The following GCLC variants were observed in gnomAD, a reference collection of about 807,000 sequenced individuals.
GCLC encodes glutamate-cysteine ligase catalytic subunit.
Under a neutral mutation model 81.5 loss-of-function variants are expected in GCLC, and 30 were observed. The ratio of observed to expected loss-of-function variants is 0.37; its 90% confidence interval spans 0.28 to 0.50. The LOEUF (loss-of-function observed/expected upper bound fraction) is 0.50, where lower values mean the gene tolerates loss of function less well. Among genes scored for constraint, GCLC ranks in the 20% least tolerant of loss-of-function variants. The probability of loss-of-function intolerance (pLI) is 0.96; values close to 1 mark genes in which losing one functional copy is unlikely to be tolerated. For synonymous variants in GCLC, 262 were observed against 273.3 expected, an observed-to-expected ratio of 0.96 and a Z score of 0.41; for missense variants, 556 against 777.4, an observed-to-expected ratio of 0.72 and a Z score of 3.39.
At chr6:53,539,439 T>C (rs1763314861) in intron 1 of GCLC, among the ~76,000 whole-genome samples, 1 of 152,124 alleles carries the variant, frequency 6.6e-6, no homozygotes, top group Non-Finnish European at 1.5e-5. Flanking sequence ...TACACGCACC[T>C]CTGTAAGACA....
In GCLC at chr6:53,526,396, G is replaced by A. The variant is rs548087705; in HGVS notation, c.151-3869C>T. Among the ~76,000 whole-genome samples, 233 of 152,326 alleles carry A rather than the reference G, an allele frequency of 1.5e-3. 1 individual carries two copies. Among genetic ancestry groups the A allele is most frequent in the Non-Finnish European group, 1.6e-3 (107 of 68,026 alleles). On this transcript the variant is annotated intron_variant, in intron 1 of 15. Coordinates refer to ENST00000650454, the MANE Select transcript of GCLC (RefSeq NM_001498.4). ...GTAAATACAAGCTTTTAGGATTTAA[G>A]TCTTTAAATGGCATTTACCACTAGC...
At chr6:53,533,593 C>G (rs955804717) in intron 1 of GCLC, among the ~76,000 whole-genome samples, 1 of 152,098 alleles carries the variant, frequency 6.6e-6, no homozygotes, top group African/African-American at 2.4e-5. Context: ...TCTACCACTT[C>G]TGGTAGAATT....
intron 1 of GCLC, among the ~76,000 whole-genome samples, chr6:53,531,357 A>T (rs1194507200): frequency 6.6e-6 from 1 of 152,196 alleles, no homozygotes; most frequent in Middle Eastern, 3.2e-3. Flanking sequence ...ATGTTGTTTC[A>T]CAGAGCGCTT....
intron 1 of GCLC, among the ~76,000 whole-genome samples, chr6:53,526,900 G>C (rs760565289): frequency 2.6e-5 from 4 of 152,000 alleles, no homozygotes; most frequent in Non-Finnish European, 5.9e-5. Context: ...GCTTAATTAG[G>C]AAACAATACA....
At chr6:53,521,805 T>G (rs969070379) in intron 2 of GCLC, among the ~76,000 whole-genome samples, 3 of 152,086 alleles carry the variant, frequency 2.0e-5, no homozygotes, top group Non-Finnish European at 4.4e-5. Context: ...AACCCCCGTC[T>G]CTACTAAAAA....
At chr6:53,534,563 C>T (rs1432151615) in intron 1 of GCLC, among the ~76,000 whole-genome samples, 10 of 151,894 alleles carry the variant, frequency 6.6e-5, no homozygotes, top group African/African-American at 1.9e-4. Context: ...AAGAAAGGAT[C>T]CCTGAGAAAC....
chr6:53,530,584 A>G (rs1763155606), intron 1 of GCLC, among the ~76,000 whole-genome samples: 1 of 152,206 alleles, frequency 6.6e-6, no homozygotes, highest in South Asian at 2.1e-4. Context: ...CTCGTCCTGC[A>G]TCTGCCTTTT....
intron 3 of GCLC, among the ~76,000 whole-genome samples, chr6:53,520,342 C>T (rs1197843965): frequency 6.6e-6 from 1 of 152,226 alleles, no homozygotes; most frequent in Admixed American, 6.5e-5. Context: ...ACTGATGCCA[C>T]CATATGCTAG....
Position 53,538,049 on chromosome 6 carries a change from C to A in GCLC, c.150+6447G>T, listed in dbSNP as rs1171312911. ...TGACTCAAATAATTGTGTTTTTGTCCATTCTAAATTTATCACTCAAGACTG... is the reference window on the plus strand; with the variant it reads ...TGACTCAAATAATTGTGTTTTTGTCAATTCTAAATTTATCACTCAAGACTG... On this transcript the variant is annotated intron_variant, in intron 1 of 15. Transcript: ENST00000650454. Among the ~76,000 whole-genome samples the A allele has an allele frequency of 4.0e-5, 6 of 151,554 alleles. No individual in the cohort carries two copies. In the East Asian group the frequency reaches 1.2e-3, roughly 29 times the overall value.
intron 2 of GCLC, among the ~76,000 whole-genome samples, chr6:53,521,380 C>G (rs529499532): frequency 4.6e-5 from 7 of 152,162 alleles, no homozygotes; most frequent in Non-Finnish European, 1.0e-4. Flanking sequence ...GTCTTGAACT[C>G]CTGGCCTTAA....
rs1764610090 is a variant in GCLC, at chr6:53,506,150, C to T, written c.1198-255G>A. The T allele has an allele frequency of 4.6e-6, 2 of 430,214 alleles. No individual in the cohort carries two copies. The highest frequency in any genetic ancestry group is 3.4e-5 in the Admixed American group (1 of 29,246). 26.6% of individuals were successfully genotyped at this position (430,214 alleles called of 1,614,324 possible). A position where few individuals can be genotyped will look rare whatever the true frequency, so the allele number is the denominator to read the frequency against. On this transcript the variant is annotated intron_variant, in intron 10 of 15. Transcript: ENST00000650454. The surrounding 1 kb of genome is among the most constrained non-coding windows in gnomAD (Gnocchi z 4.0). ...TCACCCAGCTCCTACTCCCTATCTC[C>T]CAGCTACAGAGCAGCATCTGAAGAG...
At chr6:53,526,987 G>C (rs906745021) in intron 1 of GCLC, among the ~76,000 whole-genome samples, 2 of 152,168 alleles carry the variant, frequency 1.3e-5, no homozygotes, top group African/African-American at 4.8e-5. Flanking sequence ...CTCTGTAAAT[G>C]AGAAGGAAGG....
At position 53,516,116 on chromosome 6, in the gene GCLC, G is replaced by A; in HGVS notation, c.553C>T (p.Arg185Cys). 6.3e-7 allele frequency: 1 copy of A among 1,593,064 alleles called. No individual in the cohort carries two copies. The highest frequency in any genetic ancestry group is 8.6e-7 in the Non-Finnish European group (1 of 1,160,910). Residue 185 changes from arginine to cysteine, a missense_variant, in exon 4 of 16, where the codon CGC (arginine) becomes TGC (cysteine). Around this residue, in one of 3 missense-constraint regions of GCLC, gnomAD observed 234 missense variants for 303.8 expected, o/e 0.77. Transcript: ENST00000650454. Reference protein sequence around the residue: ...FPDEAINKHPRFSTLTRNIRH... With the variant: ...FPDEAINKHPCFSTLTRNIRH... ...ACACAAAGCCATACTCACCTGAAGC[G>A]AGGGTGCTTGTTTATTGCTTCATCT...
chr6:53,532,574 T>C (rs902021211), intron 1 of GCLC, among the ~76,000 whole-genome samples: 6 of 152,216 alleles, frequency 3.9e-5, no homozygotes, highest in Admixed American at 6.5e-5. Context: ...GCAGCTTCTA[T>C]GACCTTTTCT....
intron 1 of GCLC, among the ~76,000 whole-genome samples, chr6:53,535,349 T>C (rs1763240549): frequency 6.6e-6 from 1 of 152,100 alleles, no homozygotes; most frequent in African/African-American, 2.4e-5. Context: ...ACCTCACCTC[T>C]ACTAAAAACA....
chr6:53,542,120 G>C (rs935359806), intron 1 of GCLC, among the ~76,000 whole-genome samples: 11 of 152,194 alleles, frequency 7.2e-5, no homozygotes, highest in Non-Finnish European at 1.5e-4. Flanking sequence ...GCCTTCCAAA[G>C]TGTTGGGATT....
rs1314955516 is a variant in GCLC at position 53,544,673 on chromosome 6, C to CTCCTCT, written c.-29_-28insAGAGGA. On this transcript the variant is annotated 5_prime_UTR_variant, in exon 1 of 16. Transcript: ENST00000650454. ...CCGCCCCCTCCTCCTCCTCCTCCTC[C>CTCCTCT]TCCGGGCTGACGGCGGTCGCCCGCT... The CTCCTCT allele has an allele frequency of 1.3e-6, 2 of 1,577,976 alleles. No homozygotes were observed. Among genetic ancestry groups the CTCCTCT allele is most frequent in the Admixed American group, 1.8e-5 (1 of 56,546 alleles).
At chr6:53,500,954 T>C in intron 12 of GCLC, 1 of 290,264 alleles carries the variant, frequency 3.4e-6, no homozygotes, top group South Asian at 3.5e-5. Context: ...CTCGCTCTGT[T>C]GCCCAGGTTG....
At position 53,507,007 on chromosome 6, in the gene GCLC, G is replaced by T; in HGVS notation, c.1103C>A (p.Ala368Asp). 1 of 1,604,348 alleles carries T rather than the reference G, an allele frequency of 6.2e-7. No individual in the cohort carries two copies. The highest frequency in any genetic ancestry group is 8.5e-7 in the Non-Finnish European group (1 of 1,171,202). Residue 368 changes from alanine (A) to aspartate (D), a missense_variant, in exon 10 of 16, where the codon GCC becomes GAC. Around this residue, in one of 3 missense-constraint regions of GCLC, gnomAD observed 313 missense variants for 437.3 expected, o/e 0.72. Coordinates refer to ENST00000650454, the MANE Select transcript of GCLC (RefSeq NM_001498.4). ...AATAAAGAGATGAGCAACATGCTGG[G>T]CCAGGAGATGATCAATGCCTGCAAA... is the stretch of plus-strand genomic sequence containing the variant. ...LLQEGIDHLL[A>D]QHVAHLFIRD...
Sources: gnomAD v4.1 joint callset for allele counts (sites outside exome capture counted in the v4.1 genomes callset) on GRCh38, gnomAD v4.1.1 for gene constraint, gnomAD v4.1.1 regional missense constraint, Gnocchi (gnomAD v3.1) non-coding constraint, MANE v1.5 for transcripts, NCBI Gene and HGNC (gene_info 2026-07-23, HGNC 2026-07-21) for gene names.